Variants in HPSE2 observed in about 807,000 individuals in gnomAD.
HPSE2 encodes the protein heparanase 2 (inactive).
HPSE2 carries 38 observed loss-of-function variants against 60.5 expected under a neutral mutation model. That is an observed-to-expected ratio of 0.63 (90% CI 0.48 to 0.82). HPSE2 has a LOEUF of 0.82. Among genes scored for constraint, HPSE2 ranks in the 40% least tolerant of loss-of-function variants. The pLI is 0.00. For synonymous variants in HPSE2, 295 were observed against 293.2 expected, an observed-to-expected ratio of 1.01 and a Z score of -0.06; for missense variants, 713 against 740.4, an observed-to-expected ratio of 0.96 and a Z score of 0.43.
At chr10:98,971,879 T>A (rs1456664264) in intron 3 of HPSE2, among the ~76,000 whole-genome samples, 1 of 152,112 alleles carries the variant, frequency 6.6e-6, no homozygotes, top group Non-Finnish European at 1.5e-5. Flanking sequence ...TATACCAGTG[T>A]ACAATCCCAC....
intron 3 of HPSE2, among the ~76,000 whole-genome samples, chr10:98,959,365 A>T (rs1955590207): frequency 6.6e-6 from 1 of 151,008 alleles, no homozygotes; most frequent in Admixed American, 6.6e-5. Context: ...CTGGAAAAAA[A>T]AAAAAAAAAA....
intron 2 of HPSE2, among the ~76,000 whole-genome samples, chr10:99,177,968 A>C (rs1847596751): frequency 6.6e-6 from 1 of 152,096 alleles, no homozygotes; most frequent in Admixed American, 6.5e-5. Flanking sequence ...TTAAGAACTC[A>C]CTGAAAACCA....
the HPSE2 span, among the ~76,000 whole-genome samples, chr10:99,248,642 A>G: frequency 2.6e-5 from 4 of 152,364 alleles, no homozygotes; most frequent in Non-Finnish European, 1.5e-5. Context: ...AAATTTGCCT[A>G]AGTAAAAAGG....
At chr10:99,074,820 T>C (rs183507001) in intron 3 of HPSE2, among the ~76,000 whole-genome samples, 1 of 152,200 alleles carries the variant, frequency 6.6e-6, no homozygotes. Flanking sequence ...TTCTTCTAGG[T>C]TTTTCAATTT....
At chr10:99,020,484 C>A (rs1486728463) in intron 3 of HPSE2, among the ~76,000 whole-genome samples, 1 of 152,140 alleles carries the variant, frequency 6.6e-6, no homozygotes, top group African/African-American at 2.4e-5. Context: ...AGTGTGCTTT[C>A]CCTGGACTGA....
At chr10:99,062,202 T>C (rs1297201284) in intron 3 of HPSE2, among the ~76,000 whole-genome samples, 1 of 152,188 alleles carries the variant, frequency 6.6e-6, no homozygotes, top group South Asian at 2.1e-4. Context: ...ATTTCTTTAT[T>C]TGATAACTCC....
chr10:99,120,771 C>T (rs548520535), intron 3 of HPSE2, among the ~76,000 whole-genome samples: 1 of 152,300 alleles, frequency 6.6e-6, no homozygotes, highest in African/African-American at 2.4e-5. Flanking sequence ...CATGCTCGGC[C>T]AACCATTCTA....
At chr10:98,671,054 T>C (rs1947494826) in intron 6 of HPSE2, among the ~76,000 whole-genome samples, 1 of 152,216 alleles carries the variant, frequency 6.6e-6, no homozygotes, top group African/African-American at 2.4e-5. Flanking sequence ...TTTTGGTGCA[T>C]TTCAGATTTT....
chr10:98,985,258 A>T (rs1956313015), intron 3 of HPSE2, among the ~76,000 whole-genome samples: 2 of 152,250 alleles, frequency 1.3e-5, no homozygotes, highest in African/African-American at 4.8e-5. Flanking sequence ...CAGGTTACCC[A>T]CAAAGGGAAG....
At chr10:99,123,782 C>A (rs1845055235) in intron 3 of HPSE2, among the ~76,000 whole-genome samples, 1 of 152,152 alleles carries the variant, frequency 6.6e-6, no homozygotes, top group African/African-American at 2.4e-5. Context: ...CCATAGTGAG[C>A]AGTCCTAGTC....
intron 2 of HPSE2, among the ~76,000 whole-genome samples, chr10:99,182,757 G>T (rs1407398790): frequency 6.6e-6 from 1 of 152,076 alleles, no homozygotes; most frequent in Non-Finnish European, 1.5e-5. Context: ...CAGCACTTTG[G>T]GAGGCTGAGG....
chr10:98,857,702 T>C lies in HPSE2; in HGVS notation c.611-113646A>G, dbSNP rs150284172. 3.9e-3 allele frequency among the ~76,000 whole-genome samples: 598 copies of C among 152,286 alleles called. 2 individuals are homozygous for C. The highest frequency in any genetic ancestry group is 0.014 in the African/African-American group (571 of 41,568). ...GAAGCAAAGATGAGAATTAAATGTA[T>C]GTGACTTTTAATAATGAAGTACTAA... On this transcript the variant is annotated intron_variant, in intron 3 of 11. Coordinates refer to ENST00000370552, the MANE Select transcript of HPSE2 (RefSeq NM_021828.5).
In HPSE2 at chr10:98,490,049, A is replaced by C; in HGVS notation, c.1466+2T>G. On this transcript the variant is annotated splice_donor_variant, in intron 10 of 11. Transcript: ENST00000370552. LOFTEE classifies it high-confidence loss of function. ...CTTTCTGCCATCTTTCTGAGGACTT[A>C]CTTGTGGTGGTTTGTGCAGTGAGCA... 6.2e-7 allele frequency: 1 copy of C among 1,614,122 alleles called. No individual in the cohort carries two copies. The highest frequency in any genetic ancestry group is 8.5e-7 in the Non-Finnish European group (1 of 1,179,982).
intron 3 of HPSE2, among the ~76,000 whole-genome samples, chr10:98,824,641 C>T (rs1046214359): frequency 6.6e-6 from 1 of 152,174 alleles, no homozygotes; most frequent in Non-Finnish European, 1.5e-5. Context: ...GATTTAGTTA[C>T]ATTCTGCTTA....
chr10:99,186,473 G>A (rs573872081), intron 2 of HPSE2, among the ~76,000 whole-genome samples: 1 of 141,320 alleles, frequency 7.1e-6, no homozygotes, highest in East Asian at 2.3e-4. Flanking sequence ...AACCCGAGAG[G>A]CGGAGGTTAC....
chr10:99,020,832 TCACCA>T (rs1957246196), intron 3 of HPSE2, among the ~76,000 whole-genome samples: 2 of 152,092 alleles, frequency 1.3e-5, no homozygotes, highest in Admixed American at 1.3e-4. Flanking sequence ...TTTTCTAAAA[TCACCA>T]CCAGCTTTTT....
chr10:98,744,092 A>G (rs1281219856), intron 3 of HPSE2, 36 bp from the exon 4 acceptor site: 1 of 1,595,986 alleles, frequency 6.3e-7, no homozygotes, highest in Non-Finnish European at 8.6e-7. Context: ...TAACTTTCAA[A>G]TCAACATTCC....
intron 3 of HPSE2, among the ~76,000 whole-genome samples, chr10:98,916,934 T>C (rs1954134896): frequency 6.6e-6 from 1 of 152,198 alleles, no homozygotes; most frequent in South Asian, 2.1e-4. Context: ...TTGTTTACCA[T>C]GCCTCCTACT....
chr10:98,468,323 C>T (rs766493398), intron 11 of HPSE2, among the ~76,000 whole-genome samples: 1 of 152,152 alleles, frequency 6.6e-6, no homozygotes, highest in Non-Finnish European at 1.5e-5. Flanking sequence ...ACCCCATGTC[C>T]GGCTGGAGGA....
Sources: gnomAD v4.1 joint callset for allele counts (sites outside exome capture counted in the v4.1 genomes callset) on GRCh38, gnomAD v4.1.1 for gene constraint, MANE v1.5 for transcripts, NCBI Gene and HGNC (gene_info 2026-07-23, HGNC 2026-07-21) for gene names.